The following TUT7 variants were observed in gnomAD, a reference collection of about 807,000 sequenced individuals.
The protein encoded by TUT7 is terminal uridylyl transferase 7.
Under a neutral mutation model 165.9 loss-of-function variants are expected in TUT7, and 33 were observed. The observed-to-expected ratio is 0.20, with a 90% confidence interval of 0.15 to 0.27. The LOEUF is 0.27. Ranked by LOEUF, TUT7 falls within the 10% of genes least tolerant of loss-of-function variation. The pLI, the probability that TUT7 is intolerant of heterozygous loss-of-function variation, is 1.00. For synonymous variants in TUT7, 552 were observed against 608.1 expected (o/e 0.91, Z 1.36); for missense variants, 1,338 against 1,762.3 (o/e 0.76, Z 4.31).
intron 10 of TUT7, 69 bp from the exon 11 acceptor site, chr9:86,328,561 T>G: frequency 7.4e-7 from 1 of 1,344,798 alleles, no homozygotes; most frequent in Non-Finnish European, 9.9e-7. Context: ...TCTACTAATC[T>G]TGGAATAAAA....
At chr9:86,337,974 A>C (rs1830974992) in intron 9 of TUT7, among the ~76,000 whole-genome samples, 1 of 152,178 alleles carries the variant, frequency 6.6e-6, no homozygotes, top group South Asian at 2.1e-4. Flanking sequence ...TGGGGAGAGA[A>C]CGTGGACAAA....
At chr9:86,313,409 T>A (rs1375642778) in intron 17 of TUT7, among the ~76,000 whole-genome samples, 2 of 152,124 alleles carry the variant, frequency 1.3e-5, no homozygotes, top group African/African-American at 4.8e-5. Flanking sequence ...CTAGGGGTAG[T>A]AAGAGAGGAT....
At chr9:86,317,696 T>C (rs1206724086) in intron 16 of TUT7, among the ~76,000 whole-genome samples, 1 of 152,232 alleles carries the variant, frequency 6.6e-6, no homozygotes, top group Non-Finnish European at 1.5e-5. Flanking sequence ...TAAGAGTTGA[T>C]GAATTGCTGT....
chr9:86,291,615 CAG>C (rs1220782090), intron 26 of TUT7, among the ~76,000 whole-genome samples: 1 of 150,960 alleles, frequency 6.6e-6, no homozygotes, highest in East Asian at 1.9e-4. Flanking sequence ...CTTGCATCAC[CAG>C]AGTCATACAA....
At chr9:86,354,159 CAAAAAGTGA>C (rs1024494199) in intron 1 of TUT7, 103 bp downstream of exon 1, 4 of 152,586 alleles carry the variant, frequency 2.6e-5, no homozygotes, top group African/African-American at 9.7e-5. Flanking sequence ...CGCAGTCTGA[CAAAAAGTGA>C]AAACACGGAC....
intron 2 of TUT7, among the ~76,000 whole-genome samples, chr9:86,351,671 T>G (rs1352130292): frequency 6.6e-6 from 1 of 152,216 alleles, no homozygotes; most frequent in African/African-American, 2.4e-5. Context: ...AACTGGCCAC[T>G]GTGAGATAAC....
In TUT7 at chr9:86,295,140, T is replaced by C. The variant is rs528709681; in HGVS notation, c.4420+6136A>G. On this transcript the variant is annotated intron_variant, in intron 26 of 26. Coordinates refer to ENST00000375963, the MANE Select transcript of TUT7 (RefSeq NM_024617.4). ...GAGAAGTTCAAACAAACAAACAAAA[T>C]ATATCATCTTATGCTGAAATTCTGT... is the stretch of plus-strand genomic sequence containing the variant. 3.9e-5 allele frequency among the ~76,000 whole-genome samples: 6 copies of C among 152,096 alleles called. No homozygotes were observed. The East Asian group carries it at 1.2e-3, about 29-fold the overall frequency.
intron 8 of TUT7, among the ~76,000 whole-genome samples, chr9:86,339,576 T>C (rs1260858667): frequency 6.6e-6 from 1 of 152,130 alleles, no homozygotes; most frequent in Non-Finnish European, 1.5e-5. Context: ...AAGAGTGTTT[T>C]CCCAAGAGTT....
At chr9:86,317,158 G>T in intron 17 of TUT7, 61 bp downstream of exon 17, 2 of 1,441,798 alleles carry the variant, frequency 1.4e-6, no homozygotes, top group South Asian at 1.1e-5. Flanking sequence ...ACCAAGGGAA[G>T]ACTATAGAAA....
At chr9:86,322,782 A>G in intron 13 of TUT7, 91 bp downstream of exon 13, 1 of 1,409,316 alleles carries the variant, frequency 7.1e-7, no homozygotes, top group Non-Finnish European at 9.5e-7. Context: ...CTACCAAAAT[A>G]GGAAAATTCC....
At chr9:86,327,998 G>A (rs900862189) in intron 11 of TUT7, among the ~76,000 whole-genome samples, 1 of 152,100 alleles carries the variant, frequency 6.6e-6, no homozygotes, top group Non-Finnish European at 1.5e-5. Context: ...TGCATTCACT[G>A]TTATTTTAGT....
intron 13 of TUT7, 129 bp downstream of exon 13, chr9:86,322,744 T>C (rs1387348782): frequency 8.9e-7 from 1 of 1,127,410 alleles, no homozygotes; most frequent in East Asian, 2.6e-5. Context: ...AGCAGTCATA[T>C]CAGAATGAAA....
Position 86,343,096 on chromosome 9 carries a change from A to T in TUT7, c.1065T>A (p.Ile355=). ...TTACAATGGCTGGAAACTGGATGTC[A>T]ATGTTTACATCCGAATTTTTGAAAC... ...RLGFKNSDVN[I]DIQFPAIMSQ... is the part of the protein sequence containing the mutation. Residue 355 remains isoleucine, a synonymous_variant, in exon 6 of 27, where the codon ATT becomes ATA. Coordinates refer to ENST00000375963, the MANE Select transcript of TUT7 (RefSeq NM_024617.4). 6.2e-7 allele frequency: 1 copy of T among 1,604,632 alleles called. No individual in the cohort carries two copies. The highest frequency in any genetic ancestry group is 1.1e-5 in the South Asian group (1 of 89,146).
rs766672211 is a variant in TUT7 at position 86,352,760 on chromosome 9, C to T, written c.440G>A (p.Gly147Asp). Residue 147 changes from glycine (G) to aspartate (D), a missense_variant, in exon 2 of 27, where the codon GGC (glycine) becomes GAC (aspartate). Around this residue, in one of 7 missense-constraint regions of TUT7, gnomAD observed 434 missense variants for 480.8 expected, o/e 0.90. Transcript: ENST00000375963. ...EDGYRWQDTR[G>D]CRTVRRLFHK... is the part of the protein sequence containing the mutation. ...AAACAGTCGTCTTACAGTTCTGCAG[C>T]CTCTTGTGTCTTGCCACCTATAACC... is the stretch of plus-strand genomic sequence containing the variant. 1 of 1,614,164 alleles carries T rather than the reference C, an allele frequency of 6.2e-7. No individual in the cohort carries two copies. The highest frequency in any genetic ancestry group is 2.2e-5 in the East Asian group (1 of 44,882).
intron 26 of TUT7, among the ~76,000 whole-genome samples, chr9:86,300,867 C>A (rs925117134): frequency 3.3e-5 from 5 of 152,362 alleles, no homozygotes; most frequent in Non-Finnish European, 7.3e-5. Flanking sequence ...GTGTGTGGCT[C>A]ACCTGTGCAC....
chr9:86,312,251 G>T (rs964439586), intron 17 of TUT7, among the ~76,000 whole-genome samples: 1 of 151,456 alleles, frequency 6.6e-6, no homozygotes, highest in African/African-American at 2.4e-5. Context: ...TCTGAGATGT[G>T]GGGAGCGCCT....
At chr9:86,299,725 G>C (rs1281052968) in intron 26 of TUT7, among the ~76,000 whole-genome samples, 1 of 152,104 alleles carries the variant, frequency 6.6e-6, no homozygotes, top group Non-Finnish European at 1.5e-5. Flanking sequence ...AGCTTCCCTA[G>C]TACACAACTT....
intron 14 of TUT7, among the ~76,000 whole-genome samples, chr9:86,320,416 A>G (rs978499024): frequency 1.9e-4 from 29 of 152,306 alleles, no homozygotes; most frequent in African/African-American, 5.1e-4. Flanking sequence ...CTCTACACCA[A>G]TGCTTCCCCA....
chr9:86,317,683 G>GT (rs1038151034), intron 16 of TUT7, among the ~76,000 whole-genome samples: 1 of 152,160 alleles, frequency 6.6e-6, no homozygotes, highest in African/African-American at 2.4e-5. Context: ...ACCTTCTATA[G>GT]TTTAAGAGTT....
Sources: gnomAD v4.1 joint callset for allele counts (sites outside exome capture counted in the v4.1 genomes callset) on GRCh38, gnomAD v4.1.1 for gene constraint, gnomAD v4.1.1 regional missense constraint, MANE v1.5 for transcripts, NCBI Gene and HGNC (gene_info 2026-07-23, HGNC 2026-07-21) for gene names.